Variants in IQGAP1 observed in about 807,000 individuals in gnomAD.
The protein encoded by IQGAP1 is ras GTPase-activating-like protein IQGAP1.
A neutral mutation model predicts 215.6 loss-of-function variants in IQGAP1; 66 were observed. That is an observed-to-expected ratio of 0.31 (90% confidence interval 0.25 to 0.38). The LOEUF is 0.38. Among genes scored for constraint, IQGAP1 ranks in the 10% least tolerant of loss-of-function variants. IQGAP1 has a pLI of 1.00. For missense variants in IQGAP1, 1,712 were observed against 1,997.1 expected, an observed-to-expected ratio of 0.86 and a Z score of 2.72; for synonymous variants, 772 against 728.7, an observed-to-expected ratio of 1.06 and a Z score of -0.96.
intron 24 of IQGAP1, 35 bp from the exon 25 acceptor site, chr15:90,477,032 A>G: frequency 6.3e-7 from 1 of 1,598,434 alleles, no homozygotes; most frequent in Non-Finnish European, 8.6e-7. Context: ...CCTTTATATT[A>G]CCTACAAATG....
intron 30 of IQGAP1, among the ~76,000 whole-genome samples, chr15:90,484,569 C>T (rs1334083771): frequency 2.6e-5 from 4 of 152,006 alleles, no homozygotes; most frequent in Non-Finnish European, 5.9e-5. Flanking sequence ...AGTGCAGTGG[C>T]GCGATCTCGG....
rs547899148 is a variant in IQGAP1 at position 90,430,190 on chromosome 15, G to A, written c.390+524G>A. Among the ~76,000 whole-genome samples, 5 of 152,252 alleles carry A rather than the reference G, an allele frequency of 3.3e-5. No homozygotes were observed. In the South Asian group the frequency reaches 8.3e-4, roughly 25 times the overall value. ...TGTTTGGAGTGTACATCTTCTGGGT[G>A]TTCTGCTCAGGAGTTTATTTAGTGT... is the stretch of plus-strand genomic sequence containing the variant. On this transcript the variant is annotated intron_variant, in intron 4 of 37. Transcript: ENST00000268182.
intron 2 of IQGAP1, among the ~76,000 whole-genome samples, chr15:90,416,934 T>C (rs570414963): frequency 2.0e-5 from 3 of 152,280 alleles, no homozygotes; most frequent in Non-Finnish European, 4.4e-5. Context: ...TATCTCGTTG[T>C]GGTTTTGATT....
At chr15:90,462,901 C>T (rs763010927) in intron 15 of IQGAP1, among the ~76,000 whole-genome samples, 20 of 152,190 alleles carry the variant, frequency 1.3e-4, no homozygotes, top group Non-Finnish European at 2.6e-4. Context: ...TGTTTTCTCT[C>T]CATAATATCT....
chr15:90,482,136 C>G (rs780505340), intron 27 of IQGAP1, 36 bp downstream of exon 27: 3 of 1,614,104 alleles, frequency 1.9e-6, no homozygotes, highest in Non-Finnish European at 2.5e-6. Context: ...CCCAGTAGAA[C>G]CCAGCACTAA....
At position 90,466,017 on chromosome 15, in the gene IQGAP1, C is replaced by T; in HGVS notation, c.1793C>T (p.Ser598Leu). The part of the protein sequence containing the change: ...REKAQEIQDE[S>L]AVLWLDEIQG... ...GATATGTAGGAAATCCAGGATGAGT[C>T]AGCTGTGTTATGGTTGGATGAAATT... Residue 598 changes from serine to leucine, a missense_variant, in exon 16 of 38, where the codon TCA becomes TTA. Physicochemically the swap from Ser to Leu is moderately radical, Grantham distance 145. Coordinates refer to ENST00000268182, the MANE Select transcript of IQGAP1 (RefSeq NM_003870.4). 6.2e-7 allele frequency: 1 copy of T among 1,613,964 alleles called. No homozygotes were observed. The highest frequency in any genetic ancestry group is 8.5e-7 in the Non-Finnish European group (1 of 1,179,922).
intron 15 of IQGAP1, 129 bp from the exon 16 acceptor site, chr15:90,465,872 C>G (rs1255994675): frequency 8.3e-6 from 6 of 726,704 alleles, no homozygotes; most frequent in Admixed American, 2.2e-5. Flanking sequence ...TTTGACTAAC[C>G]CACGTGTCTC....
chr15:90,477,938 C>T, intron 26 of IQGAP1, 49 bp downstream of exon 26: 1 of 1,155,064 alleles, frequency 8.7e-7, no homozygotes, highest in Non-Finnish European at 1.3e-6. Flanking sequence ...ATAGTCTTTC[C>T]CTCTTTTTTC....
rs944533057 is a variant in IQGAP1 at position 90,398,694 on chromosome 15, A to G, written c.155+7821A>G. Among the ~76,000 whole-genome samples the G allele has an allele frequency of 5.3e-5, 8 of 152,130 alleles. No individual in the cohort carries two copies. The East Asian group carries it at 1.4e-3, about 26-fold the overall frequency. On this transcript the variant is annotated intron_variant, in intron 2 of 37. Coordinates refer to ENST00000268182, the MANE Select transcript of IQGAP1 (RefSeq NM_003870.4). ...GACAAAATTATCTAGCACAAAGCCT[A>G]TATTACAATAAAGTATTAAGTATCT...
intron 26 of IQGAP1, among the ~76,000 whole-genome samples, chr15:90,480,752 T>A (rs182929569): frequency 3.3e-5 from 5 of 152,202 alleles, no homozygotes; most frequent in African/African-American, 1.2e-4. Flanking sequence ...CACTGCAACC[T>A]CTGCCTCCCT....
intron 11 of IQGAP1, among the ~76,000 whole-genome samples, chr15:90,451,645 T>A (rs563893056): frequency 6.6e-6 from 1 of 151,928 alleles, no homozygotes; most frequent in Non-Finnish European, 1.5e-5. Flanking sequence ...TTCATACCCT[T>A]AGGGTGATGT....
intron 2 of IQGAP1, among the ~76,000 whole-genome samples, chr15:90,420,013 C>T (rs1198351912): frequency 6.6e-6 from 1 of 152,186 alleles, no homozygotes; most frequent in Non-Finnish European, 1.5e-5. Context: ...GTACTATCAT[C>T]TCTTTAATCC....
chr15:90,406,323 C>T (rs978176993), intron 2 of IQGAP1, among the ~76,000 whole-genome samples: 4 of 152,212 alleles, frequency 2.6e-5, no homozygotes, highest in East Asian at 1.9e-4. Context: ...GAAAAACACA[C>T]GCCTGGCAAT....
At chr15:90,441,447 C>T in intron 7 of IQGAP1, 59 bp from the exon 8 acceptor site, 4 of 1,423,694 alleles carry the variant, frequency 2.8e-6, no homozygotes, top group Non-Finnish European at 3.9e-6. Flanking sequence ...TGATATACAT[C>T]CTGTAATCTA....
chr15:90,425,046 AC>A (rs1424769388), intron 2 of IQGAP1, among the ~76,000 whole-genome samples: 2 of 151,972 alleles, frequency 1.3e-5, no homozygotes, highest in African/African-American at 4.8e-5. Flanking sequence ...CCAGTGGCTC[AC>A]ACCTGTAATC....
intron 3 of IQGAP1, among the ~76,000 whole-genome samples, chr15:90,428,987 G>A (rs907830459): frequency 5.3e-5 from 8 of 151,978 alleles, no homozygotes; most frequent in Non-Finnish European, 8.8e-5. Context: ...CGAGTAGCTG[G>A]GATTACAGGT....
intron 35 of IQGAP1, chr15:90,494,352 T>G (rs1966245169): frequency 1.9e-5 from 3 of 157,926 alleles, no homozygotes; most frequent in Non-Finnish European, 2.8e-5. Context: ...GGGCGTAGAG[T>G]AACTCCTTCA....
At chr15:90,395,546 TC>T (rs1465633968) in intron 2 of IQGAP1, among the ~76,000 whole-genome samples, 5 of 152,170 alleles carry the variant, frequency 3.3e-5, no homozygotes, top group Admixed American at 3.3e-4. Flanking sequence ...AGTCTTGATC[TC>T]CTGACCTCGT....
At chr15:90,439,512 G>A (rs1470114133) in intron 6 of IQGAP1, 113 bp downstream of exon 6, 4 of 700,516 alleles carry the variant, frequency 5.7e-6, no homozygotes, top group South Asian at 1.9e-5. Context: ...GGCAGTGGAG[G>A]TGAAAAAAAT....
Sources: allele counts gnomAD v4.1 joint callset (sites outside exome capture counted in the v4.1 genomes callset), GRCh38; gene constraint gnomAD v4.1.1; transcripts MANE v1.5; gene names NCBI Gene and HGNC (gene_info 2026-07-23, HGNC 2026-07-21).